Variants in CNTN4 observed in about 807,000 individuals in gnomAD.
CNTN4 encodes contactin-4.
Under a neutral mutation model 122.5 loss-of-function variants are expected in CNTN4, and 77 were observed. The ratio of observed to expected loss-of-function variants is 0.63; its 90% CI spans 0.52 to 0.76. The LOEUF is 0.76. CNTN4 is among the 30% of genes least tolerant of loss of function. CNTN4 has a pLI of 0.00. For synonymous variants in CNTN4, 512 were observed against 447.0 expected (o/e 1.15, Z -1.83); for missense variants, 1,256 against 1,259.1 (o/e 1.00, Z 0.04).
intron 3 of CNTN4, among the ~76,000 whole-genome samples, chr3:2,554,183 C>T (rs1347007968): frequency 6.6e-6 from 1 of 152,086 alleles, no homozygotes; most frequent in East Asian, 1.9e-4. Context: ...GTTGTCTTTG[C>T]TAAAATTTCT....
rs776848769 is a variant in CNTN4, at chr3:3,043,680, T to C, written c.2787T>C (p.Asn929=). The C allele has an allele frequency of 4.6e-5, 74 of 1,613,440 alleles. No individual in the cohort carries two copies. The Middle Eastern group carries it at 8.3e-4, about 18-fold the overall frequency. ...GGGATCAAGTGAAGGCCCTGGATAA[T>C]GAGTCGGAAGTAAAAGGATACAAAG... ...LNWDQVKALD[N]ESEVKGYKVL... Residue 929 remains asparagine (N), a synonymous_variant, in exon 23 of 25, where the codon AAT becomes AAC. Transcript: ENST00000418658.
At chr3:2,338,262 A>T (rs952578928) in intron 2 of CNTN4, among the ~76,000 whole-genome samples, 2 of 152,040 alleles carry the variant, frequency 1.3e-5, no homozygotes, top group Non-Finnish European at 2.9e-5. Flanking sequence ...TAGGTATTTA[A>T]TATAGAGATG....
chr3:2,119,785 A>G (rs2033599500), intron 2 of CNTN4, among the ~76,000 whole-genome samples: 1 of 143,634 alleles, frequency 7.0e-6, no homozygotes, highest in African/African-American at 2.6e-5. Context: ...TGGGTAGAAA[A>G]GAAAAGAAGT....
chr3:2,809,918 A>C (rs1021085262), intron 6 of CNTN4, among the ~76,000 whole-genome samples: 6 of 152,208 alleles, frequency 3.9e-5, no homozygotes, highest in African/African-American at 1.4e-4. Context: ...AAAGGAAAGA[A>C]CTAAAATGAG....
rs9839775 is a variant in CNTN4, at chr3:2,883,260, T to G, written c.755+13T>G. On this transcript the variant is annotated intron_variant, in intron 9 of 24. Transcript: ENST00000418658. ...TTGCTTTAGGAAAGTAAGTTCTGGT[T>G]TGCGTTCCTTCTCATCCTCCCTTCA... 5.0e-3 allele frequency: 8,037 copies of G among 1,594,622 alleles called. 362 individuals are homozygous for G. The African/African-American group carries it at 0.092, about 18-fold the overall frequency.
intron 3 of CNTN4, among the ~76,000 whole-genome samples, chr3:2,422,913 C>T (rs1245263027): frequency 5.9e-5 from 9 of 152,276 alleles, no homozygotes; most frequent in South Asian, 4.1e-4. Flanking sequence ...TTCTTTTACT[C>T]CTGTTTGCCA....
chr3:2,849,031 C>T (rs1235137000), intron 7 of CNTN4, among the ~76,000 whole-genome samples: 1 of 152,188 alleles, frequency 6.6e-6, no homozygotes, highest in Non-Finnish European at 1.5e-5. Flanking sequence ...GTCTACTTGT[C>T]ATCTTATTGT....
At position 2,659,392 on chromosome 3, in the gene CNTN4, G is replaced by A. The variant is rs537386476; in HGVS notation, c.56-76823G>A. Reference sequence around the variant, plus strand: ...CAGGAGAATCACTTGAACCCAGGAGGTGGAGGTTGCGGTGAGCCGAGATCA... The same window carrying A: ...CAGGAGAATCACTTGAACCCAGGAGATGGAGGTTGCGGTGAGCCGAGATCA... On this transcript the variant is annotated intron_variant, in intron 4 of 24. Coordinates refer to ENST00000418658, the MANE Select transcript of CNTN4 (RefSeq NM_175607.3). Among the ~76,000 whole-genome samples the A allele has an allele frequency of 1.5e-4, 23 of 150,372 alleles. 1 individual carries two copies. The South Asian group carries it at 3.6e-3, about 24-fold the overall frequency.
intron 13 of CNTN4, among the ~76,000 whole-genome samples, chr3:2,972,392 A>AT (rs1193014688): frequency 1.3e-5 from 2 of 152,090 alleles, no homozygotes; most frequent in Admixed American, 1.3e-4. Context: ...TATTTACCCA[A>AT]TGTAGACATG....
chr3:2,658,972 AC>A, intron 4 of CNTN4, among the ~76,000 whole-genome samples: 1 of 80,134 alleles, frequency 1.2e-5, no homozygotes, highest in East Asian at 3.3e-4. Flanking sequence ...ACAGACACAC[AC>A]ACACACACAC....
chr3:2,486,609 A>G (rs1295510521), intron 3 of CNTN4, among the ~76,000 whole-genome samples: 1 of 152,230 alleles, frequency 6.6e-6, no homozygotes, highest in Non-Finnish European at 1.5e-5. Flanking sequence ...AAAAATTATA[A>G]GACACTAAAA....
At chr3:2,958,744 A>T (rs1253766668) in intron 13 of CNTN4, among the ~76,000 whole-genome samples, 3 of 152,212 alleles carry the variant, frequency 2.0e-5, no homozygotes, top group Non-Finnish European at 4.4e-5. Context: ...GCAACACTTA[A>T]GAGGTTCTTA....
intron 4 of CNTN4, among the ~76,000 whole-genome samples, chr3:2,625,957 C>G (rs969948004): frequency 2.6e-5 from 4 of 152,176 alleles, no homozygotes; most frequent in African/African-American, 9.7e-5. Flanking sequence ...CTGGACAACA[C>G]TTGACAGTGT....
chr3:2,518,014 C>T (rs2077087463), intron 3 of CNTN4, among the ~76,000 whole-genome samples: 1 of 152,144 alleles, frequency 6.6e-6, no homozygotes, highest in African/African-American at 2.4e-5. Flanking sequence ...AGTCCCCCTC[C>T]CCTACCTCTC....
chr3:2,216,275 G>T (rs542111268), intron 2 of CNTN4, among the ~76,000 whole-genome samples: 1 of 152,266 alleles, frequency 6.6e-6, no homozygotes. Flanking sequence ...ATCAGCAAAT[G>T]AACACTAGAA....
intron 2 of CNTN4, among the ~76,000 whole-genome samples, chr3:2,132,066 C>A (rs1265334521): frequency 6.6e-6 from 1 of 152,162 alleles, no homozygotes; most frequent in African/African-American, 2.4e-5. Flanking sequence ...CATAAGGAGC[C>A]TTGCAGTGTC....
intron 2 of CNTN4, among the ~76,000 whole-genome samples, chr3:2,107,500 C>G (rs115188809): frequency 0.03 from 4,577 of 152,144 alleles, 220 homozygotes; most frequent in African/African-American, 0.1. Context: ...GAATCATTCA[C>G]TATCACGAAA....
intron 7 of CNTN4, among the ~76,000 whole-genome samples, chr3:2,847,312 A>G (rs2093472518): frequency 6.6e-6 from 1 of 152,088 alleles, no homozygotes; most frequent in Admixed American, 6.5e-5. Flanking sequence ...CTTGCTCATC[A>G]GATCCTGGTT....
intron 3 of CNTN4, among the ~76,000 whole-genome samples, chr3:2,560,226 G>A (rs902862104): frequency 2.7e-5 from 4 of 150,890 alleles, no homozygotes; most frequent in Admixed American, 6.6e-5. Context: ...CTGCAGCCTC[G>A]ATTTCCCAGG....
Sources: gnomAD v4.1 joint callset for allele counts (sites outside exome capture counted in the v4.1 genomes callset) on GRCh38, gnomAD v4.1.1 for gene constraint, MANE v1.5 for transcripts, NCBI Gene and HGNC (gene_info 2026-07-23, HGNC 2026-07-21) for gene names.